Variants in HERPUD2 observed in about 807,000 individuals in gnomAD.
HERPUD2 encodes HERPUD family member 2.
Under a neutral mutation model 49.9 loss-of-function variants are expected in HERPUD2, and 13 were observed. That is an observed-to-expected ratio of 0.26 (90% CI 0.17 to 0.41). The LOEUF is 0.41. HERPUD2 is among the 10% of genes least tolerant of loss of function. The pLI is 1.00. For missense variants in HERPUD2, 449 were observed against 492.2 expected (o/e 0.91, Z 0.83); for synonymous variants, 172 against 171.4 (o/e 1.00, Z -0.03).
In HERPUD2 at chr7:35,638,346, T is replaced by C; in HGVS notation, c.617+4A>G. 1.3e-6 allele frequency: 2 copies of C among 1,585,572 alleles called. No homozygotes were observed. The highest frequency in any genetic ancestry group is 1.2e-5 in the South Asian group (1 of 86,080). On this transcript the variant is annotated splice_donor_region_variant and intron_variant, in intron 6 of 8. Transcript: ENST00000311350. ...ACTTAAAAAATGAACTCAGATTAAC[T>C]TACTACTGCATATAATACTGATGAG...
intron 2 of HERPUD2, among the ~76,000 whole-genome samples, chr7:35,682,989 C>G (rs1785949033): frequency 6.6e-6 from 1 of 152,024 alleles, no homozygotes; most frequent in Non-Finnish European, 1.5e-5. Context: ...AAAAATGACC[C>G]TACTGCCAAA....
chr7:35,691,856 A>C (rs1019848069), intron 2 of HERPUD2, among the ~76,000 whole-genome samples: 13 of 152,198 alleles, frequency 8.5e-5, no homozygotes, highest in South Asian at 2.1e-4. Context: ...CTGCTCAACA[A>C]CTGTGATGCT....
intron 5 of HERPUD2, among the ~76,000 whole-genome samples, chr7:35,648,357 A>G (rs2115867773): frequency 6.6e-6 from 1 of 152,328 alleles, no homozygotes; most frequent in Middle Eastern, 3.4e-3. Flanking sequence ...AGGATTATAC[A>G]TGCATACTAT....
intron 5 of HERPUD2, among the ~76,000 whole-genome samples, chr7:35,652,254 C>T (rs755984536): frequency 8.5e-5 from 13 of 152,214 alleles, no homozygotes; most frequent in South Asian, 2.1e-4. Context: ...CGTTTTGCAG[C>T]GTTCTTCCTT....
At chr7:35,692,457 T>C (rs1786214767) in intron 2 of HERPUD2, among the ~76,000 whole-genome samples, 1 of 152,254 alleles carries the variant, frequency 6.6e-6, no homozygotes, top group African/African-American at 2.4e-5. Flanking sequence ...TGACTTTCAA[T>C]TGACTATCCT....
intron 2 of HERPUD2, among the ~76,000 whole-genome samples, chr7:35,693,591 G>T (rs927295170): frequency 8.6e-5 from 13 of 151,222 alleles, no homozygotes; most frequent in Non-Finnish European, 7.4e-5. Context: ...TCTCTCACTC[G>T]CATATTAGGT....
chr7:35,673,055 C>T, intron 3 of HERPUD2, 146 bp downstream of exon 3: 1 of 575,500 alleles, frequency 1.7e-6, no homozygotes, highest in Non-Finnish European at 3.1e-6. Context: ...TATCATGTTA[C>T]TTTCTAATTT....
chr7:35,679,426 G>C (rs151082267), intron 2 of HERPUD2, among the ~76,000 whole-genome samples: 4 of 152,226 alleles, frequency 2.6e-5, no homozygotes, highest in African/African-American at 9.6e-5. Context: ...AAACAGAACA[G>C]TTAGGCAATA....
chr7:35,669,135 C>A (rs1244093317), intron 4 of HERPUD2, among the ~76,000 whole-genome samples: 1 of 151,320 alleles, frequency 6.6e-6, no homozygotes, highest in Non-Finnish European at 1.5e-5. Flanking sequence ...CCGACGACTA[C>A]AAAAAAAAAC....
At chr7:35,677,545 A>T (rs1283355265) in intron 2 of HERPUD2, among the ~76,000 whole-genome samples, 1 of 152,224 alleles carries the variant, frequency 6.6e-6, no homozygotes, top group Non-Finnish European at 1.5e-5. Context: ...GATTCAAGAG[A>T]AAAGGAGAGA....
At chr7:35,641,233 T>A (rs1784963125) in intron 5 of HERPUD2, among the ~76,000 whole-genome samples, 1 of 152,162 alleles carries the variant, frequency 6.6e-6, no homozygotes, top group South Asian at 2.1e-4. Context: ...TGGCAAGAGG[T>A]ACAGGTAAAA....
chr7:35,655,393 C>T (rs182261317), intron 5 of HERPUD2, among the ~76,000 whole-genome samples: 2 of 152,288 alleles, frequency 1.3e-5, no homozygotes, highest in Non-Finnish European at 1.5e-5. Context: ...TGGGATTTAT[C>T]CCAGGGATGC....
At chr7:35,658,355 A>G (rs1785328672) in intron 5 of HERPUD2, among the ~76,000 whole-genome samples, 1 of 152,154 alleles carries the variant, frequency 6.6e-6, no homozygotes, top group Non-Finnish European at 1.5e-5. Context: ...GGGTGAGGTG[A>G]TGAAGGGAAG....
intron 5 of HERPUD2, among the ~76,000 whole-genome samples, chr7:35,662,309 C>T (rs925042401): frequency 6.6e-6 from 1 of 152,196 alleles, no homozygotes; most frequent in Non-Finnish European, 1.5e-5. Flanking sequence ...CATCGATGTT[C>T]ATCGGGGATA....
At chr7:35,682,349 G>A (rs1341237461) in intron 2 of HERPUD2, among the ~76,000 whole-genome samples, 687 of 41,782 alleles carry the variant, frequency 0.016, 120 homozygotes, top group African/African-American at 0.028. Flanking sequence ...GTGTGTGTGT[G>A]TGTGTGTGTA....
At chr7:35,663,048 C>G (rs1785460477) in intron 5 of HERPUD2, among the ~76,000 whole-genome samples, 1 of 152,048 alleles carries the variant, frequency 6.6e-6, no homozygotes, top group African/African-American at 2.4e-5. Flanking sequence ...TAAATGTGTC[C>G]CAGAGATTCT....
At chr7:35,650,382 A>G (rs1201269349) in intron 5 of HERPUD2, among the ~76,000 whole-genome samples, 5 of 152,152 alleles carry the variant, frequency 3.3e-5, no homozygotes, top group Admixed American at 2.0e-4. Flanking sequence ...CCTAGCCACA[A>G]GAGAGACCCT....
intron 2 of HERPUD2, among the ~76,000 whole-genome samples, chr7:35,692,620 TTAAG>T (rs1451836421): frequency 6.6e-5 from 10 of 152,206 alleles, no homozygotes; most frequent in Non-Finnish European, 1.3e-4. Context: ...TCTAACTAGT[TTAAG>T]TACTTAAATT....
intron 2 of HERPUD2, among the ~76,000 whole-genome samples, chr7:35,677,848 GAAC>G (rs1276187854): frequency 6.6e-6 from 1 of 152,128 alleles, no homozygotes; most frequent in African/African-American, 2.4e-5. Flanking sequence ...TGGACTTACA[GAAC>G]AATATGACAG....
Sources: gnomAD v4.1 joint callset for allele counts (sites outside exome capture counted in the v4.1 genomes callset) on GRCh38, gnomAD v4.1.1 for gene constraint, MANE v1.5 for transcripts, NCBI Gene and HGNC (gene_info 2026-07-23, HGNC 2026-07-21) for gene names.